SHANK2: variants seen among roughly 807,000 people sequenced by gnomAD.
The protein encoded by SHANK2 is SH3 and multiple ankyrin repeat domains 2.
A neutral mutation model predicts 133.7 loss-of-function variants in SHANK2; 43 were observed. That is an observed-to-expected ratio of 0.32 (90% confidence interval 0.25 to 0.41). The LOEUF is 0.41. SHANK2 is among the 10% of genes least tolerant of loss of function. The probability of loss-of-function intolerance (pLI) is 1.00; values close to 1 mark genes in which losing one functional copy is unlikely to be tolerated. For missense variants in SHANK2, 1,994 were observed against 2,235.8 expected (o/e 0.89, Z 2.18); for synonymous variants, 1,017 against 952.8 (o/e 1.07, Z -1.24).
chr11:70,879,642 T>G (rs536723429), intron 11 of SHANK2, among the ~76,000 whole-genome samples: 1 of 152,362 alleles, frequency 6.6e-6, no homozygotes, highest in Admixed American at 6.5e-5. Flanking sequence ...TCTCTGTGAC[T>G]ATTTCCTGAC....
At chr11:70,716,895 GCC>G (rs60827522) in intron 14 of SHANK2, among the ~76,000 whole-genome samples, 2 of 138,390 alleles carry the variant, frequency 1.4e-5, no homozygotes, top group East Asian at 2.1e-4. Context: ...GGGTCCCGGA[GCC>G]CCCCCCCCGC....
chr11:71,166,878 T>G (rs1590979216), intron 2 of SHANK2, among the ~76,000 whole-genome samples: 1 of 140,288 alleles, frequency 7.1e-6, no homozygotes. Context: ...GGAGGGAAGG[T>G]CAACAGATAA....
intron 1 of SHANK2, among the ~76,000 whole-genome samples, chr11:71,241,229 T>C (rs1954886224): frequency 6.6e-6 from 1 of 152,206 alleles, no homozygotes; most frequent in South Asian, 2.1e-4. Context: ...AACAAGATCC[T>C]GAAAACAACC....
chr11:71,107,992 T>G (rs4944840), intron 6 of SHANK2, among the ~76,000 whole-genome samples: 9 of 152,022 alleles, frequency 5.9e-5, no homozygotes, highest in African/African-American at 2.2e-4. Context: ...GCATCAGAAA[T>G]AGCCCTCGAC....
chr11:71,243,505 T>C (rs993271632), intron 1 of SHANK2, among the ~76,000 whole-genome samples: 7 of 152,020 alleles, frequency 4.6e-5, no homozygotes, highest in African/African-American at 1.2e-4. Flanking sequence ...CCATCCTGGC[T>C]AGCACGGTGA....
At chr11:70,696,767 A>G (rs1211592521) in intron 15 of SHANK2, among the ~76,000 whole-genome samples, 1 of 152,236 alleles carries the variant, frequency 6.6e-6, no homozygotes. Flanking sequence ...ACTGAGTCCA[A>G]TGAGCAATTC....
chr11:70,715,457 C>T (rs1365100246), intron 14 of SHANK2, among the ~76,000 whole-genome samples: 3 of 152,212 alleles, frequency 2.0e-5, no homozygotes, highest in African/African-American at 7.2e-5. Flanking sequence ...TCGGGCCAAG[C>T]CAGGCTGGGG....
chr11:71,079,364 C>A (rs1032436690), intron 8 of SHANK2, among the ~76,000 whole-genome samples: 62 of 152,362 alleles, frequency 4.1e-4, no homozygotes, highest in African/African-American at 1.4e-3. Context: ...ACCGTCACCA[C>A]TCAAATGTGC....
chr11:71,074,100 GCT>G (rs1326914612), intron 9 of SHANK2, among the ~76,000 whole-genome samples: 3 of 152,284 alleles, frequency 2.0e-5, no homozygotes, highest in Admixed American at 6.5e-5. Context: ...CTTTCCTGGG[GCT>G]CTGTTTCCTC....
intron 14 of SHANK2, among the ~76,000 whole-genome samples, chr11:70,780,900 T>C (rs1295314481): frequency 6.6e-6 from 1 of 152,140 alleles, no homozygotes; most frequent in African/African-American, 2.4e-5. Flanking sequence ...TGTTTCACAA[T>C]AGTTTTTTTG....
At chr11:70,624,226 T>G (rs527817173) in intron 17 of SHANK2, among the ~76,000 whole-genome samples, 14 of 152,146 alleles carry the variant, frequency 9.2e-5, no homozygotes, top group African/African-American at 2.9e-4. Flanking sequence ...AGGGCAGAGC[T>G]GATGGGGGCG....
chr11:70,841,663 C>T (rs976394581), intron 11 of SHANK2, among the ~76,000 whole-genome samples: 3 of 152,296 alleles, frequency 2.0e-5, no homozygotes, highest in South Asian at 2.1e-4. Context: ...GGCCCCTTTC[C>T]GTCTGCTTCT....
chr11:70,752,590 C>T (rs1195021506), intron 14 of SHANK2, among the ~76,000 whole-genome samples: 1 of 151,422 alleles, frequency 6.6e-6, no homozygotes, highest in Non-Finnish European at 1.5e-5. Context: ...CCTGTAGTCC[C>T]AGCTACTCGG....
chr11:70,758,953 G>A (rs952254972), intron 14 of SHANK2, among the ~76,000 whole-genome samples: 4 of 151,580 alleles, frequency 2.6e-5, no homozygotes, highest in Non-Finnish European at 5.9e-5. Flanking sequence ...GAGGTCAAGA[G>A]ATCAAGACCT....
chr11:70,815,822 C>T (rs901177455), intron 12 of SHANK2, among the ~76,000 whole-genome samples: 4 of 152,224 alleles, frequency 2.6e-5, no homozygotes, highest in Admixed American at 2.6e-4. Flanking sequence ...GCCACGCCCA[C>T]TGCAGTCCTG....
intron 11 of SHANK2, among the ~76,000 whole-genome samples, chr11:70,884,050 A>C (rs1481356195): frequency 6.6e-6 from 1 of 152,228 alleles, no homozygotes; most frequent in Non-Finnish European, 1.5e-5. Context: ...GCTCAGGGGC[A>C]AGGGAGGAAC....
chr11:70,586,275 C>A lies in SHANK2; in HGVS notation c.2061+73553G>T, dbSNP rs937649980. Among the ~76,000 whole-genome samples the A allele has an allele frequency of 2.6e-5, 4 of 152,148 alleles. No homozygotes were observed. In the South Asian group the frequency reaches 8.3e-4, roughly 32 times the overall value. On this transcript the variant is annotated intron_variant, in intron 17 of 25. Coordinates refer to ENST00000601538, the MANE Select transcript of SHANK2 (RefSeq NM_012309.5). ...AGAGCTGTGAGGTGGGCAGTGGGGG[C>A]AGATCAGGAAGATGGGAATGGGGTG...
chr11:70,933,918 A>AC lies in SHANK2; in HGVS notation c.1108-37352_1108-37351insG, dbSNP rs782662551. Among the ~76,000 whole-genome samples the AC allele has an allele frequency of 6.9e-3, 1,052 of 151,466 alleles. 3 individuals carry two copies. Among genetic ancestry groups the AC allele is most frequent in the Non-Finnish European group, 0.012 (800 of 67,866 alleles). On this transcript the variant is annotated intron_variant, in intron 10 of 25. Coordinates refer to ENST00000601538, the MANE Select transcript of SHANK2 (RefSeq NM_012309.5). ...GTGTCTCAAAAAAAAAAAAAAACAA[A>AC]AAACAAACAAACAAACAAACAAAAC...
At chr11:70,696,105 C>T (rs902628169) in intron 15 of SHANK2, among the ~76,000 whole-genome samples, 7 of 152,112 alleles carry the variant, frequency 4.6e-5, no homozygotes, top group Non-Finnish European at 7.4e-5. Flanking sequence ...GGAGGTCATC[C>T]AGTCCAATCT....
Sources: gnomAD v4.1 joint callset for allele counts (sites outside exome capture counted in the v4.1 genomes callset) on GRCh38, gnomAD v4.1.1 for gene constraint, MANE v1.5 for transcripts, NCBI Gene and HGNC (gene_info 2026-07-23, HGNC 2026-07-21) for gene names.